ANO6: variants seen among roughly 807,000 people sequenced by gnomAD.
The protein encoded by ANO6 is anoctamin 6, also known as anoctamin-6.
Under a neutral mutation model 117.5 loss-of-function variants are expected in ANO6, and 106 were observed. The observed-to-expected ratio is 0.90, with a 90% CI of 0.77 to 1.06. The LOEUF is 1.06. Among genes scored for constraint, ANO6 ranks in the 50% least tolerant of loss-of-function variants. The probability of loss-of-function intolerance (pLI) is 0.00; values close to 1 mark genes in which losing one functional copy is unlikely to be tolerated. For synonymous variants in ANO6, 367 were observed against 385.1 expected (o/e 0.95, Z 0.55); for missense variants, 955 against 1,121.1 (o/e 0.85, Z 2.12).
intron 7 of ANO6, among the ~76,000 whole-genome samples, chr12:45,351,738 C>T (rs530120740): frequency 5.3e-5 from 8 of 152,206 alleles, no homozygotes; most frequent in Admixed American, 1.3e-4. Flanking sequence ...GAGGAAACAT[C>T]AGAGACCAGT....
chr12:45,221,609 C>G (rs1947400684), intron 1 of ANO6, among the ~76,000 whole-genome samples: 1 of 152,156 alleles, frequency 6.6e-6, no homozygotes, highest in Non-Finnish European at 1.5e-5. Flanking sequence ...GTAGCACGTT[C>G]TAAAATGGGT....
intron 2 of ANO6, among the ~76,000 whole-genome samples, chr12:45,306,577 T>C (rs902515962): frequency 1.3e-5 from 2 of 152,190 alleles, no homozygotes; most frequent in African/African-American, 4.8e-5. Flanking sequence ...AAGATACTAC[T>C]TTATAGAAAA....
chr12:45,396,567 C>T (rs1245960781), intron 12 of ANO6, among the ~76,000 whole-genome samples: 1 of 152,200 alleles, frequency 6.6e-6, no homozygotes, highest in Non-Finnish European at 1.5e-5. Context: ...ATGCATCACG[C>T]TACCTGACTT....
At chr12:45,356,375 G>T (rs772287495) in intron 7 of ANO6, among the ~76,000 whole-genome samples, 4 of 152,026 alleles carry the variant, frequency 2.6e-5, no homozygotes, top group Non-Finnish European at 5.9e-5. Flanking sequence ...CAACACAGGG[G>T]TAGGGCAGTG....
intron 1 of ANO6, among the ~76,000 whole-genome samples, chr12:45,236,022 A>T (rs761802659): frequency 3.8e-4 from 58 of 152,336 alleles, no homozygotes; most frequent in Non-Finnish European, 7.3e-4. Context: ...TATGAAGGGG[A>T]GAAGGGTCCT....
Position 45,382,832 on chromosome 12 carries a change from A to G in ANO6, c.1165+4719A>G, listed in dbSNP as rs545769140. On this transcript the variant is annotated intron_variant, in intron 10 of 19. Transcript: ENST00000320560. Reference sequence around the variant, plus strand: ...CTGACAATCATCTGAGCCTTTAGAGAGTGTTAATCTTTTTGCTGTGAGAGG... The same window carrying G: ...CTGACAATCATCTGAGCCTTTAGAGGGTGTTAATCTTTTTGCTGTGAGAGG... Among the ~76,000 whole-genome samples, 5 of 152,144 alleles carry G rather than the reference A, an allele frequency of 3.3e-5. No individual in the cohort carries two copies. In the South Asian group the frequency reaches 1.0e-3, roughly 32 times the overall value.
At chr12:45,424,442 A>C (rs953543858) in intron 19 of ANO6, among the ~76,000 whole-genome samples, 2 of 148,528 alleles carry the variant, frequency 1.3e-5, no homozygotes, top group Non-Finnish European at 3.0e-5. Context: ...GGTTCAGCCA[A>C]TTCTCCTGCC....
At chr12:45,370,761 G>A (rs1406392451) in intron 9 of ANO6, among the ~76,000 whole-genome samples, 3 of 152,152 alleles carry the variant, frequency 2.0e-5, no homozygotes, top group East Asian at 3.8e-4. Flanking sequence ...TGGAATCCCT[G>A]GACAAGAGGA....
intron 6 of ANO6, among the ~76,000 whole-genome samples, chr12:45,349,811 A>G (rs1941235164): frequency 6.6e-6 from 1 of 152,200 alleles, no homozygotes; most frequent in African/African-American, 2.4e-5. Flanking sequence ...GCCCCACTGA[A>G]TTTAGCTAAT....
At chr12:45,355,168 T>G (rs1366863363) in intron 7 of ANO6, among the ~76,000 whole-genome samples, 1 of 152,190 alleles carries the variant, frequency 6.6e-6, no homozygotes, top group East Asian at 1.9e-4. Context: ...AACTTTGATT[T>G]AAAAAATCAA....
At chr12:45,307,434 T>A (rs1939706112) in intron 2 of ANO6, among the ~76,000 whole-genome samples, 1 of 152,174 alleles carries the variant, frequency 6.6e-6, no homozygotes, top group Non-Finnish European at 1.5e-5. Context: ...AGTCAAGGAA[T>A]GACTCTAAGT....
rs747667835 is a variant in ANO6 at position 45,390,431 on chromosome 12, G to T, written c.1319G>T (p.Arg440Leu). Residue 440 changes from arginine to leucine, a missense_variant, in exon 12 of 20, where the codon CGC (arginine) becomes CTC (leucine). Coordinates refer to ENST00000320560, the MANE Select transcript of ANO6 (RefSeq NM_001025356.3). ...VINEITQEEE[R>L]IPFTAWGKCI... ...TGTTTTTGTAATTAGGAAGAAGAAC[G>T]CATTCCCTTTACTGCCTGGGGAAAA... 6.2e-7 allele frequency: 1 copy of T among 1,613,666 alleles called. No homozygotes were observed. Among genetic ancestry groups the T allele is most frequent in the Non-Finnish European group, 8.5e-7 (1 of 1,179,646 alleles).
In ANO6 at chr12:45,350,663, A is replaced by C. The variant is rs766848653; in HGVS notation, c.752A>C (p.Lys251Thr). 1 of 1,613,542 alleles carries C rather than the reference A, an allele frequency of 6.2e-7. No homozygotes were observed. Among genetic ancestry groups the C allele is most frequent in the Non-Finnish European group, 8.5e-7 (1 of 1,179,596 alleles). ...YKAAFPLHDC[K>T]FRRQSEDPSC... ...ATGTTCCCTTCTGCGTCACAGTGCA[A>C]ATTCCGCCGTCAGTCAGAGGATCCC... Residue 251 changes from lysine to threonine, a missense_variant, in exon 7 of 20, where the codon AAA becomes ACA. Coordinates refer to ENST00000320560, the MANE Select transcript of ANO6 (RefSeq NM_001025356.3).
rs773313871 is a variant in ANO6, at chr12:45,378,110, TG to T, written c.1165+1del. The T allele has an allele frequency of 6.2e-7, 1 of 1,605,180 alleles. No individual in the cohort carries two copies. Among genetic ancestry groups the T allele is most frequent in the Non-Finnish European group, 8.5e-7 (1 of 1,176,702 alleles). On this transcript the variant is annotated frameshift_variant and splice_region_variant, in exon 10 of 20. Coordinates refer to ENST00000320560, the MANE Select transcript of ANO6 (RefSeq NM_001025356.3). LOFTEE classifies it high-confidence loss of function. The stretch of plus-strand genomic sequence containing the variant: ...GGTCTTTGCAGTATTTATGGGAGTA[TG>T]GGGTAAGTTTTTTTTTTTTTTTTCA... ...TLVFAVFMGVWVTLFLEFWKR... is the reference protein window; with the variant it reads ...TLVFAVFMGVXVTLFLEFWKR...
chr12:45,396,903 A>G (rs1212402089), intron 12 of ANO6, among the ~76,000 whole-genome samples: 1 of 152,222 alleles, frequency 6.6e-6, no homozygotes, highest in African/African-American at 2.4e-5. Context: ...CCTAGGCAAT[A>G]CCATTCAGGA....
At chr12:45,422,258 C>G (rs1943384136) in intron 18 of ANO6, among the ~76,000 whole-genome samples, 1 of 152,128 alleles carries the variant, frequency 6.6e-6, no homozygotes, top group Admixed American at 6.5e-5. Flanking sequence ...AGATAGCACT[C>G]TGTATGAGGA....
At position 45,423,149 on chromosome 12, in the gene ANO6, T is replaced by C. The variant is rs567989809; in HGVS notation, c.2526+87T>C. 7.3e-6 allele frequency: 7 copies of C among 960,374 alleles called. No homozygotes were observed. The East Asian group carries it at 9.6e-5, about 13-fold the overall frequency. 59.5% of individuals were successfully genotyped at this position (960,374 alleles called of 1,614,324 possible). On this transcript the variant is annotated intron_variant, in intron 19 of 19. Transcript: ENST00000320560. ...TGTTGCCAACTCCATACTTAACATG[T>C]GTGATACTTTCTTCTTATCACTTGC...
downstream of ANO6, among the ~76,000 whole-genome samples, chr12:45,433,859 G>A (rs575635657): frequency 6.6e-6 from 1 of 152,260 alleles, no homozygotes; most frequent in South Asian, 2.1e-4. Flanking sequence ...AACCTGCTGT[G>A]GCTGTGACCA....
At chr12:45,240,463 C>T (rs1947724813) in intron 1 of ANO6, among the ~76,000 whole-genome samples, 1 of 143,228 alleles carries the variant, frequency 7.0e-6, no homozygotes, top group Non-Finnish European at 1.5e-5. Flanking sequence ...TGAGATGGGT[C>T]TCCTGAATTC....
Sources: allele counts gnomAD v4.1 joint callset (sites outside exome capture counted in the v4.1 genomes callset), GRCh38; gene constraint gnomAD v4.1.1; transcripts MANE v1.5; gene names NCBI Gene and HGNC (gene_info 2026-07-23, HGNC 2026-07-21).